Variants in RPA3 observed in about 807,000 individuals in gnomAD.
RPA3 encodes the protein replication protein A 14 kDa subunit.
A neutral mutation model predicts 13.7 loss-of-function variants in RPA3; 24 were observed. That is an observed-to-expected ratio of 1.75 (90% CI 1.27 to 2.46). RPA3 has a LOEUF of 2.46. Among genes scored for constraint, RPA3 ranks in the 30% most tolerant of loss-of-function variants. The pLI is 0.00. For synonymous variants in RPA3, 59 were observed against 51.2 expected, an observed-to-expected ratio of 1.15 and a Z score of -0.65; for missense variants, 183 against 151.0, an observed-to-expected ratio of 1.21 and a Z score of -1.11.
At chr7:7,694,755 T>G (rs1780267255) in intron 2 of RPA3, among the ~76,000 whole-genome samples, 1 of 152,236 alleles carries the variant, frequency 6.6e-6, no homozygotes, top group South Asian at 2.1e-4. Context: ...CCATTGTGCA[T>G]ACGTACCACG....
chr7:7,676,704 A>G (rs1369295061), intron 4 of RPA3, among the ~76,000 whole-genome samples: 1 of 152,138 alleles, frequency 6.6e-6, no homozygotes, highest in Non-Finnish European at 1.5e-5. Context: ...AAATGTTTTT[A>G]AAATATTTTA....
chr7:7,714,865 T>A (rs1222290197), intron 2 of RPA3, among the ~76,000 whole-genome samples: 2 of 150,240 alleles, frequency 1.3e-5, no homozygotes, highest in Non-Finnish European at 3.0e-5. Flanking sequence ...TTTTTTTTTT[T>A]TTTTTTTAGT....
At chr7:7,644,015 A>G (rs1005903717) in intron 4 of RPA3, among the ~76,000 whole-genome samples, 10 of 152,086 alleles carry the variant, frequency 6.6e-5, no homozygotes, top group African/African-American at 2.2e-4. Flanking sequence ...TGCCACTAGT[A>G]AAAAAATGAT....
rs190113838 is a variant in RPA3, at chr7:7,688,116, A to C, written c.-1027-788T>G. On this transcript the variant is annotated intron_variant, in intron 2 of 7. Coordinates refer to ENST00000223129, the MANE Select transcript of RPA3 (RefSeq NM_002947.5). ...GTGGTCTGGAAACTTCTGACACTAC[A>C]TGTAAAATTTTAGGTTTGTATTTTT... Among the ~76,000 whole-genome samples, 29 of 152,356 alleles carry C rather than the reference A, an allele frequency of 1.9e-4. 2 individuals are homozygous for C. In the East Asian group the frequency reaches 5.6e-3, roughly 29 times the overall value.
intron 4 of RPA3, among the ~76,000 whole-genome samples, chr7:7,675,800 G>A (rs141742601): frequency 4.3e-4 from 65 of 152,270 alleles, no homozygotes; most frequent in Non-Finnish European, 4.9e-4. Context: ...AATTTGCAGT[G>A]CAGCTGGTGC....
intron 4 of RPA3, among the ~76,000 whole-genome samples, chr7:7,685,082 A>G (rs1024612180): frequency 6.6e-6 from 1 of 152,200 alleles, no homozygotes; most frequent in Non-Finnish European, 1.5e-5. Flanking sequence ...TATATTAAAG[A>G]TATAGATAAT....
At chr7:7,697,322 A>G (rs1319276426) in intron 2 of RPA3, among the ~76,000 whole-genome samples, 3 of 152,208 alleles carry the variant, frequency 2.0e-5, no homozygotes, top group African/African-American at 7.2e-5. Context: ...CTTTAATATC[A>G]GAATCCTCTA....
At position 7,694,172 on chromosome 7, in the gene RPA3, C is replaced by A. The variant is rs112642775; in HGVS notation, c.-1027-6844G>T. On this transcript the variant is annotated intron_variant, in intron 2 of 7. Coordinates refer to ENST00000223129, the MANE Select transcript of RPA3 (RefSeq NM_002947.5). ...CCAAAGAAGGAATGAAGCATGTTTT[C>A]TTTTTCTCCTCATGACTAGTGATAA... Among the ~76,000 whole-genome samples, 888 of 152,190 alleles carry A rather than the reference C, an allele frequency of 5.8e-3. 11 individuals carry two copies. The highest frequency in any genetic ancestry group is 0.02 in the African/African-American group (843 of 41,530).
intron 4 of RPA3, among the ~76,000 whole-genome samples, chr7:7,660,040 C>T (rs982195696): frequency 6.6e-6 from 1 of 152,198 alleles, no homozygotes; most frequent in Non-Finnish European, 1.5e-5. Context: ...GCATTGATCC[C>T]TTTACCATTA....
chr7:7,640,031 T>C, intron 5 of RPA3: 2 of 421,224 alleles, frequency 4.7e-6, no homozygotes, highest in Non-Finnish European at 4.3e-6. Context: ...TGAAGGTAGA[T>C]GTGGGAGTGG....
At chr7:7,703,326 T>C (rs1281003536) in intron 2 of RPA3, among the ~76,000 whole-genome samples, 1 of 152,222 alleles carries the variant, frequency 6.6e-6, no homozygotes, top group Non-Finnish European at 1.5e-5. Context: ...CAGTTTAAAT[T>C]GATCTTTTAT....
At chr7:7,678,736 TATTTA>T in intron 4 of RPA3, among the ~76,000 whole-genome samples, 1 of 46,670 alleles carries the variant, frequency 2.1e-5, no homozygotes, top group Admixed American at 2.4e-4. Context: ...TATATTTATA[TATTTA>T]GTTTATAAAT....
intron 2 of RPA3, among the ~76,000 whole-genome samples, chr7:7,710,435 G>C (rs1780726295): frequency 6.6e-6 from 1 of 152,140 alleles, no homozygotes; most frequent in East Asian, 1.9e-4. Flanking sequence ...TCACTGAAGA[G>C]GATATACATA....
chr7:7,665,249 G>A (rs983675988), intron 4 of RPA3, among the ~76,000 whole-genome samples: 15 of 152,138 alleles, frequency 9.9e-5, no homozygotes, highest in Non-Finnish European at 1.6e-4. Context: ...ATATATTCTA[G>A]TGCTCTCCTA....
chr7:7,712,994 G>A (rs1780805371), intron 2 of RPA3, among the ~76,000 whole-genome samples: 1 of 152,034 alleles, frequency 6.6e-6, no homozygotes, highest in South Asian at 2.1e-4. Context: ...TTGCAGACTA[G>A]CCTATTGTGT....
intron 2 of RPA3, among the ~76,000 whole-genome samples, chr7:7,699,143 C>T (rs181900680): frequency 3.0e-4 from 46 of 152,076 alleles, no homozygotes; most frequent in African/African-American, 1.0e-3. Flanking sequence ...TGTGAGCCAC[C>T]GTGCCTGGCT....
chr7:7,686,355 C>T (rs555902724), intron 3 of RPA3, among the ~76,000 whole-genome samples: 7 of 151,968 alleles, frequency 4.6e-5, no homozygotes, highest in Admixed American at 4.6e-4. Flanking sequence ...AGAATGTTAT[C>T]CCATTGGCAG....
intron 4 of RPA3, among the ~76,000 whole-genome samples, chr7:7,668,597 A>G (rs1225020074): frequency 2.0e-5 from 3 of 152,232 alleles, no homozygotes; most frequent in African/African-American, 7.2e-5. Context: ...AAGTGAAACA[A>G]CATGTAATGA....
At chr7:7,640,156 G>T in intron 5 of RPA3, 164 bp downstream of exon 5, 1 of 697,666 alleles carries the variant, frequency 1.4e-6, no homozygotes, top group Non-Finnish European at 2.5e-6. Flanking sequence ...CGCCAAAATG[G>T]GGCTACAACG....
Sources: allele counts gnomAD v4.1 joint callset (sites outside exome capture counted in the v4.1 genomes callset), GRCh38; gene constraint gnomAD v4.1.1; transcripts MANE v1.5; gene names NCBI Gene and HGNC (gene_info 2026-07-23, HGNC 2026-07-21).